The following CEP131 variants were observed in gnomAD, a reference collection of about 807,000 sequenced individuals.
The protein encoded by CEP131 is centrosomal protein of 131 kDa.
CEP131 carries 99 observed loss-of-function variants against 136.8 expected under a neutral mutation model. That is an observed-to-expected ratio of 0.72 (90% CI 0.62 to 0.86). The LOEUF is 0.86. CEP131 is among the 40% of genes least tolerant of loss of function. CEP131 has a pLI of 0.00. For missense variants in CEP131, 1,459 were observed against 1,463.0 expected (o/e 1.00, Z 0.04); for synonymous variants, 646 against 612.7 (o/e 1.05, Z -0.80).
chr17:81,190,954 G>A lies in CEP131; in HGVS notation c.2896C>T (p.Gln966Ter). ...GEAEGENLRL[Q>*]GLVRQKERAL... The stretch of plus-strand genomic sequence containing the variant: ...CGCTCCTTCTGCCGCACAAGGCCCT[G>A]CAGACGCAGATTCTCGCCCTCGGCC... The change falls in exon 23 of 26, where the codon CAG (glutamine) becomes TAG (stop). Residue 966 changes from glutamine to a stop codon, truncating the protein, a stop_gained. Transcript: ENST00000450824. LOFTEE classifies it high-confidence loss of function. 6.2e-7 allele frequency: 1 copy of A among 1,605,442 alleles called. No individual in the cohort carries two copies. The highest frequency in any genetic ancestry group is 8.5e-7 in the Non-Finnish European group (1 of 1,179,858).
chr17:81,198,170 T>A lies in CEP131; in HGVS notation c.1415A>T (p.Asp472Val), dbSNP rs753476410. ...ATGGGTCCTGGGGCGGGGCAGCACGTCCGGCTCCTTCTCCAGCAGCTGCAG... is the reference window on the plus strand; with the variant it reads ...ATGGGTCCTGGGGCGGGGCAGCACGACCGGCTCCTTCTCCAGCAGCTGCAG... ...HTLQLLEKEP[D>V]VLPRPRTHHR... The change falls in exon 12 of 26, where the codon GAC (aspartate) becomes GTC (valine). Residue 472 changes from aspartate to valine, a missense_variant. By Grantham distance (152) the Asp-to-Val change is radical. This residue lies in a region of CEP131 where 1,026 missense variants were observed against 964.2 expected (regional missense o/e 1.06). Coordinates refer to ENST00000450824, the MANE Select transcript of CEP131 (RefSeq NM_014984.4). 1 of 1,577,222 alleles carries A rather than the reference T, an allele frequency of 6.3e-7. No individual in the cohort carries two copies. Among genetic ancestry groups the A allele is most frequent in the South Asian group, 1.2e-5 (1 of 86,940 alleles).
intron 2 of CEP131, among the ~76,000 whole-genome samples, chr17:81,212,619 C>T (rs1221360653): frequency 6.6e-6 from 1 of 151,410 alleles, no homozygotes. Flanking sequence ...CAGAGCATAG[C>T]ACAGCATTGG....
Position 81,195,875 on chromosome 17 carries a change from C to T in CEP131, c.1976G>A (p.Cys659Tyr). ...VAELKQEDQRCTERVAQAQAQ... is the reference protein window; with the variant it reads ...VAELKQEDQRYTERVAQAQAQ... ...CTGTGCCTGGGCCACACGCTCGGTG[C>T]ATCTCTGGTCCTCCTGCTTCAGCTC... Residue 659 changes from cysteine to tyrosine, a missense_variant, in exon 16 of 26, where the codon TGC (cysteine) becomes TAC (tyrosine). By Grantham distance (194) the Cys-to-Tyr change is radical. Transcript: ENST00000450824. 6.2e-7 allele frequency: 1 copy of T among 1,608,674 alleles called. No homozygotes were observed.
intron 8 of CEP131, 70 bp downstream of exon 8, chr17:81,200,259 A>C (rs1171787073): frequency 8.1e-7 from 1 of 1,237,782 alleles, no homozygotes; most frequent in African/African-American, 1.5e-5. Context: ...TGTCCCAGAA[A>C]CTCAAACCCC....
Position 81,190,632 on chromosome 17 carries a change from C to A in CEP131, c.3107+7G>T, listed in dbSNP as rs767023822. The stretch of plus-strand genomic sequence containing the variant: ...CCGTCTCCAGCCCTGCAGCCCCCGC[C>A]GCCCACCTCCGGTGCACCTCCTCCA... On this transcript the variant is annotated splice_region_variant and intron_variant, in intron 24 of 25. Coordinates refer to ENST00000450824, the MANE Select transcript of CEP131 (RefSeq NM_014984.4). 17 of 1,572,610 alleles carry A rather than the reference C, an allele frequency of 1.1e-5. No homozygotes were observed. The South Asian group carries it at 1.9e-4, about 18-fold the overall frequency.
Position 81,203,502 on chromosome 17 carries a change from G to T in CEP131, c.621C>A (p.Pro207=). Reference sequence around the variant, plus strand: ...TCCCCAGAAGACCTTACTTGAGGGAGGGGGCAGTCTGGTTGGAGCTCTTGA... The same window carrying T: ...TCCCCAGAAGACCTTACTTGAGGGATGGGGCAGTCTGGTTGGAGCTCTTGA... ...PPLKSSNQTA[P]SLNNIIKAAT... The change falls in exon 6 of 26, where the codon CCC becomes CCA. Residue 207 remains proline (P), a synonymous_variant. Coordinates refer to ENST00000450824, the MANE Select transcript of CEP131 (RefSeq NM_014984.4). This position sits in a 1 kb window ranked among gnomAD's most constrained non-coding sequence, Gnocchi z 4.6. 4 of 1,602,058 alleles carry T rather than the reference G, an allele frequency of 2.5e-6. No homozygotes were observed. Among genetic ancestry groups the T allele is most frequent in the Non-Finnish European group, 3.4e-6 (4 of 1,175,380 alleles).
chr17:81,197,120 C>G lies in CEP131; in HGVS notation c.1648-65G>C, dbSNP rs977460471. 24 of 1,528,506 alleles carry G rather than the reference C, an allele frequency of 1.6e-5. No homozygotes were observed. The East Asian group carries it at 5.8e-4, about 37-fold the overall frequency. The allele number at this position is 1,528,506 out of a possible 1,614,324, so 94.7% of individuals were successfully genotyped here. A position where few individuals can be genotyped will look rare whatever the true frequency, so the allele number is the denominator to read the frequency against. On this transcript the variant is annotated intron_variant, in intron 13 of 25. Transcript: ENST00000450824. Reference sequence around the variant, plus strand: ...ACGGGGGGCAGCCAAGGACCTGACACGATGCCCCTGCGGCCCTGCCCTCTG... The same window carrying G: ...ACGGGGGGCAGCCAAGGACCTGACAGGATGCCCCTGCGGCCCTGCCCTCTG...
intron 18 of CEP131, among the ~76,000 whole-genome samples, chr17:81,193,568 A>G (rs1444322608): frequency 2.0e-5 from 3 of 152,190 alleles, no homozygotes; most frequent in East Asian, 1.9e-4. Context: ...CTGGGCCCCA[A>G]GGTCAGAGCT....
chr17:81,192,186 G>A, intron 21 of CEP131, 132 bp downstream of exon 21: 2 of 783,674 alleles, frequency 2.6e-6, no homozygotes, highest in South Asian at 3.4e-5. Flanking sequence ...ACCCCAAGCA[G>A]CCAGATGTGA....
rs1381603317 is a variant in CEP131 at position 81,208,658 on chromosome 17, G to A, written c.272+270C>T. On this transcript the variant is annotated intron_variant, in intron 3 of 25. Coordinates refer to ENST00000450824, the MANE Select transcript of CEP131 (RefSeq NM_014984.4). The surrounding 1 kb of genome is among the most constrained non-coding windows in gnomAD (Gnocchi z 5.6). ...GAAAGGGCTTCAGCGGAGCCCTCAG[G>A]CAGGGTCCCAGCAGCCGCCGGGACA... is the stretch of plus-strand genomic sequence containing the variant. Among the ~76,000 whole-genome samples the A allele has an allele frequency of 6.6e-6, 1 of 152,220 alleles. No individual in the cohort carries two copies.
In CEP131 at chr17:81,206,874, G is replaced by A. The variant is rs752043271; in HGVS notation, c.388-3C>T. On this transcript the variant is annotated splice_polypyrimidine_tract_variant and splice_region_variant and intron_variant, in intron 4 of 25. Coordinates refer to ENST00000450824, the MANE Select transcript of CEP131 (RefSeq NM_014984.4). ...GTGAAGCCCCGGGGCTGGTCATCCT[G>A]TCAGACAGCTCAGCCCATGACACCG... 1.9e-6 allele frequency: 3 copies of A among 1,612,768 alleles called. No homozygotes were observed. The highest frequency in any genetic ancestry group is 2.7e-5 in the African/African-American group (2 of 74,900).
chr17:81,194,935 T>A lies in CEP131; in HGVS notation c.2054A>T (p.Glu685Val). 2 of 1,613,006 alleles carry A rather than the reference T, an allele frequency of 1.2e-6. No individual in the cohort carries two copies. Among genetic ancestry groups the A allele is most frequent in the Non-Finnish European group, 1.7e-6 (2 of 1,179,968 alleles). The part of the protein sequence containing the change: ...KKLKELMSAT[E>V]KARREKWISE... ...GATCCACTTCTCCCGGCGGGCTTTC[T>A]CGGTGGCGCTCATTAATTCTTTGAG... is the stretch of plus-strand genomic sequence containing the variant. Residue 685 changes from glutamate to valine, a missense_variant, in exon 17 of 26, where the codon GAG becomes GTG. Physicochemically the swap from Glu to Val is moderately radical, Grantham distance 121. This residue lies in a region of CEP131 where 1,026 missense variants were observed against 964.2 expected (regional missense o/e 1.06). Transcript: ENST00000450824.
At chr17:81,213,248 TAATA>T (rs1567878844) in intron 2 of CEP131, among the ~76,000 whole-genome samples, 1 of 152,182 alleles carries the variant, frequency 6.6e-6, no homozygotes, top group Non-Finnish European at 1.5e-5. Flanking sequence ...GAGTCCATTA[TAATA>T]AATGATTGAA....
At chr17:81,206,893 G>C in intron 4 of CEP131, 22 bp from the exon 5 acceptor site, 1 of 1,608,960 alleles carries the variant, frequency 6.2e-7, no homozygotes, top group Non-Finnish European at 8.5e-7. Context: ...CTCAGCCCAT[G>C]ACACCGCCCG....
chr17:81,200,544 C>T (rs143907270), intron 7 of CEP131, 98 bp from the exon 8 acceptor site: 11 of 902,992 alleles, frequency 1.2e-5, no homozygotes, highest in Middle Eastern at 3.3e-4. Context: ...AGAGAGAAGC[C>T]GGCGGCTGCA....
chr17:81,200,030 G>A, intron 8 of CEP131, 195 bp from the exon 9 acceptor site: 1 of 634,084 alleles, frequency 1.6e-6, no homozygotes, highest in South Asian at 1.9e-5. Context: ...CTACGTCGCA[G>A]GTGGCCAACA....
At chr17:81,207,737 C>G (rs1385514450) in intron 3 of CEP131, among the ~76,000 whole-genome samples, 1 of 151,708 alleles carries the variant, frequency 6.6e-6, no homozygotes, top group Non-Finnish European at 1.5e-5. Flanking sequence ...CTGCTCAGAG[C>G]AGAAGGGGAA....
At chr17:81,205,246 G>A (rs1044537196) in intron 5 of CEP131, among the ~76,000 whole-genome samples, 6 of 151,782 alleles carry the variant, frequency 4.0e-5, no homozygotes, top group East Asian at 1.9e-4. Context: ...GCGACAGAGC[G>A]AGACTTCGTC....
Position 81,206,212 on chromosome 17 carries a change from C to CA in CEP131, c.515+531dup, listed in dbSNP as rs1274907932. On this transcript the variant is annotated intron_variant, in intron 5 of 25. Transcript: ENST00000450824. ...CTGGTGACAGAGCAAGACTCCATCT[C>CA]AAAAAAAAAAAGGCAAGAATTCTTC... is the stretch of plus-strand genomic sequence containing the variant. Among the ~76,000 whole-genome samples, 778 of 142,636 alleles carry CA rather than the reference C, an allele frequency of 5.5e-3. 6 individuals carry two copies. Among genetic ancestry groups the CA allele is most frequent in the Non-Finnish European group, 6.0e-3 (387 of 64,836 alleles). The allele number at this position is 142,636 out of a possible 152,430, so 93.6% of individuals were successfully genotyped here.
Sources: allele counts gnomAD v4.1 joint callset (sites outside exome capture counted in the v4.1 genomes callset), GRCh38; gene constraint gnomAD v4.1.1; regional missense constraint gnomAD v4.1.1; non-coding constraint Gnocchi (gnomAD v3.1); transcripts MANE v1.5; gene names NCBI Gene and HGNC (gene_info 2026-07-23, HGNC 2026-07-21).